The following CIMIP6 variants were observed in gnomAD, a reference collection of about 807,000 sequenced individuals.
CIMIP6 encodes the protein ciliary microtubule inner protein 6, also known as uncharacterized protein C2orf73.
chr2:54,364,287 T>G, the CIMIP6 span, among the ~76,000 whole-genome samples: 2 of 152,212 alleles, frequency 1.3e-5, no homozygotes, highest in African/African-American at 4.8e-5. Context: ...CAAAGAATGA[T>G]AGCCTTTACC....
chr2:54,357,807 G>A, the CIMIP6 span, among the ~76,000 whole-genome samples: 11 of 150,772 alleles, frequency 7.3e-5, no homozygotes, highest in East Asian at 3.9e-4. Flanking sequence ...GGATGGTCTC[G>A]ATCTCTTGAC....
chr2:54,358,915 C>G, the CIMIP6 span: 3 of 966,578 alleles, frequency 3.1e-6, no homozygotes, highest in East Asian at 2.6e-5. Context: ...TGTCCATAAA[C>G]AAATCTAATT....
the CIMIP6 span, among the ~76,000 whole-genome samples, chr2:54,367,982 C>T: frequency 6.6e-6 from 1 of 152,122 alleles, no homozygotes; most frequent in Non-Finnish European, 1.5e-5. Flanking sequence ...ATCTAGTCAA[C>T]CTTACACTAG....
chr2:54,341,578 A>T, the CIMIP6 span, among the ~76,000 whole-genome samples: 2 of 152,186 alleles, frequency 1.3e-5, no homozygotes, highest in Admixed American at 1.3e-4. Flanking sequence ...GTTTGTACTT[A>T]GCTGGTTTTG....
chr2:54,373,163 G>A, the CIMIP6 span, among the ~76,000 whole-genome samples: 2 of 152,112 alleles, frequency 1.3e-5, no homozygotes, highest in Non-Finnish European at 2.9e-5. Context: ...TTAAAATTGT[G>A]TAAGGGCTCC....
At chr2:54,375,507 G>T in the CIMIP6 span, among the ~76,000 whole-genome samples, 42 of 152,292 alleles carry the variant, frequency 2.8e-4, no homozygotes, top group Admixed American at 1.7e-3. Context: ...GTACTTTAAT[G>T]TGAGAGAATA....
At chr2:54,342,610 A>G in the CIMIP6 span, among the ~76,000 whole-genome samples, 1 of 149,186 alleles carries the variant, frequency 6.7e-6, no homozygotes, top group African/African-American at 2.5e-5. Context: ...GCAGCCACAT[A>G]GGTTTTTTTT....
At chr2:54,336,216 G>A in the CIMIP6 span, among the ~76,000 whole-genome samples, 1 of 152,132 alleles carries the variant, frequency 6.6e-6, no homozygotes, top group Non-Finnish European at 1.5e-5. Context: ...ATCAAGCTAT[G>A]AATCATTTCT....
At chr2:54,365,878 G>A in the CIMIP6 span, among the ~76,000 whole-genome samples, 1 of 152,144 alleles carries the variant, frequency 6.6e-6, no homozygotes, top group Non-Finnish European at 1.5e-5. Flanking sequence ...CAGTAAATTG[G>A]AAGATAGGAC....
the CIMIP6 span, chr2:54,343,812 A>G: frequency 1.9e-6 from 3 of 1,613,054 alleles, no homozygotes; most frequent in Non-Finnish European, 1.7e-6. Flanking sequence ...TCCAAAAACC[A>G]TCGTGTCCAC....
chr2:54,363,243 T>C, the CIMIP6 span, among the ~76,000 whole-genome samples: 6 of 152,340 alleles, frequency 3.9e-5, no homozygotes, highest in South Asian at 2.1e-4. Flanking sequence ...TCAGTTTCTG[T>C]TGACTATAGC....
chr2:54,377,239 G>A, the CIMIP6 span, among the ~76,000 whole-genome samples: 1 of 152,032 alleles, frequency 6.6e-6, no homozygotes, highest in Non-Finnish European at 1.5e-5. Context: ...TTTCCGTCGT[G>A]TAGCTACAAC....
At chr2:54,382,054 C>G in the CIMIP6 span, 3 of 1,413,154 alleles carry the variant, frequency 2.1e-6, no homozygotes, top group East Asian at 2.8e-5. Flanking sequence ...AGCTCACTCC[C>G]TAAGTGGCTG....
At chr2:54,373,440 C>G in the CIMIP6 span, among the ~76,000 whole-genome samples, 1 of 152,140 alleles carries the variant, frequency 6.6e-6, no homozygotes, top group Non-Finnish European at 1.5e-5. Flanking sequence ...AATAAATGCT[C>G]CTTCATGGCC....
chr2:54,343,573 G>C, the CIMIP6 span: 1 of 513,492 alleles, frequency 1.9e-6, no homozygotes, highest in East Asian at 3.5e-5. Context: ...TTTGTGAAAA[G>C]ATATTTCCAG....
At chr2:54,370,487 G>A in the CIMIP6 span, among the ~76,000 whole-genome samples, 1 of 151,468 alleles carries the variant, frequency 6.6e-6, no homozygotes, top group Admixed American at 6.6e-5. Flanking sequence ...TGGAAATACA[G>A]AACTTGCCAT....
chr2:54,333,420 C>T, the CIMIP6 span, among the ~76,000 whole-genome samples: 22 of 152,140 alleles, frequency 1.4e-4, no homozygotes, highest in African/African-American at 3.9e-4. Context: ...GTGCAGGTGC[C>T]GTGAGGGAAA....
the CIMIP6 span, among the ~76,000 whole-genome samples, chr2:54,336,781 A>G: frequency 6.6e-6 from 1 of 152,328 alleles, no homozygotes; most frequent in East Asian, 1.9e-4. Context: ...TCACTGAGTG[A>G]CATTTGAGTG....
At chr2:54,383,065 T>G in the CIMIP6 span, 2 of 152,220 alleles carry the variant, frequency 1.3e-5, no homozygotes, top group African/African-American at 4.8e-5. Context: ...ACTGGCTCTG[T>G]GGGAAGCCTA....
Sources: gnomAD v4.1 joint callset for allele counts (sites outside exome capture counted in the v4.1 genomes callset) on GRCh38, gnomAD v4.1.1 for gene constraint, MANE v1.5 for transcripts, NCBI Gene and HGNC (gene_info 2026-07-23, HGNC 2026-07-21) for gene names.